The following BBS5 variants were observed in gnomAD, a reference collection of about 807,000 sequenced individuals.
BBS5 encodes BBSome complex member BBS5.
BBS5 carries 39 observed loss-of-function variants against 50.2 expected under a neutral mutation model. The ratio of observed to expected loss-of-function variants is 0.78; its 90% confidence interval spans 0.60 to 1.01. The LOEUF (loss-of-function observed/expected upper bound fraction) is 1.01. Ranked by LOEUF, BBS5 falls within the 50% of genes least tolerant of loss-of-function variation. The pLI is 0.00. For synonymous variants in BBS5, 134 were observed against 133.1 expected (o/e 1.01, Z -0.05); for missense variants, 356 against 401.5 (o/e 0.89, Z 0.97).
At chr2:169,488,228 T>G in intron 5 of BBS5, 114 bp downstream of exon 5, 1 of 1,011,886 alleles carries the variant, frequency 9.9e-7, no homozygotes, top group Non-Finnish European at 1.5e-6. Context: ...AGACAGTTTT[T>G]CCACGAATTG....
chr2:169,491,020 A>G (rs1683587193), intron 5 of BBS5, among the ~76,000 whole-genome samples: 1 of 152,210 alleles, frequency 6.6e-6, no homozygotes, highest in Admixed American at 6.5e-5. Flanking sequence ...GTAGCTAAAG[A>G]ATATTCCATT....
intron 7 of BBS5, among the ~76,000 whole-genome samples, chr2:169,496,041 C>G (rs958869923): frequency 6.6e-6 from 1 of 152,186 alleles, no homozygotes; most frequent in Non-Finnish European, 1.5e-5. Context: ...ATCATCAAAG[C>G]CTTTCTTCTT....
At chr2:169,493,190 G>T in intron 6 of BBS5, 181 bp downstream of exon 6, 2 of 690,740 alleles carry the variant, frequency 2.9e-6, no homozygotes, top group Admixed American at 2.5e-5. Flanking sequence ...TCAATACAAT[G>T]AAATATCTGA....
chr2:169,505,599 G>A lies in BBS5; in HGVS notation c.*1017G>A, dbSNP rs950458743. 5 of 260,278 alleles carry A rather than the reference G, an allele frequency of 1.9e-5. No individual in the cohort carries two copies. The highest frequency in any genetic ancestry group is 4.9e-5 in the Admixed American group (1 of 20,276). The allele number at this position is 260,278 out of a possible 1,614,324, so 16.1% of individuals were successfully genotyped here. On this transcript the variant is annotated 3_prime_UTR_variant, in exon 12 of 12. Transcript: ENST00000295240. ...CGTCTGAGATGTGGGGAGCACCTCT[G>A]CCCGGCCGCGACCCCATTTGGGAGG...
chr2:169,482,463 A>T, intron 2 of BBS5, 130 bp downstream of exon 2: 1 of 746,192 alleles, frequency 1.3e-6, no homozygotes, highest in Non-Finnish European at 2.4e-6. Context: ...TTAAATTCAC[A>T]TAAGACTTTT....
In BBS5 at chr2:169,506,490, T is replaced by TA. The variant is rs77146558; in HGVS notation, c.*1921dup. 6.0e-3 allele frequency: 852 copies of TA among 142,752 alleles called. No individual in the cohort carries two copies. The highest frequency in any genetic ancestry group is 9.6e-3 in the African/African-American group (374 of 38,786). The allele number at this position is 142,752 out of a possible 1,614,324, so 8.8% of individuals were successfully genotyped here. ...TCTTACCCTAAAACTTAAAGTATAA[T>TA]AAAAAAAAAAAAACTTCAGTTTTCT... On this transcript the variant is annotated 3_prime_UTR_variant, in exon 12 of 12. Coordinates refer to ENST00000295240, the MANE Select transcript of BBS5 (RefSeq NM_152384.3).
At position 169,505,131 on chromosome 2, in the gene BBS5, T is replaced by A. The variant is rs1683883564; in HGVS notation, c.*549T>A. On this transcript the variant is annotated 3_prime_UTR_variant, in exon 12 of 12. Transcript: ENST00000295240. ...CGCCACACCTGACTGGTTTTCGTAT[T>A]TTTTTGGTGGAGACGGGGTTTCGCT... 2.6e-6 allele frequency: 2 copies of A among 783,416 alleles called. No homozygotes were observed. The highest frequency in any genetic ancestry group is 4.2e-6 in the Non-Finnish European group (2 of 474,298). 48.5% of individuals were successfully genotyped at this position (783,416 alleles called of 1,614,324 possible).
Position 169,503,167 on chromosome 2 carries a change from G to A in BBS5, c.889G>A (p.Asp297Asn), listed in dbSNP as rs1247237652. ...AGAAATAGACTCTGATGGTCACACG[G>A]ATGCTTTTGTGGTGAGCATCACAAA... ...DVEIDSDGHT[D>N]AFVAYFADGN... Residue 297 changes from aspartate (D) to asparagine (N), a missense_variant, in exon 10 of 12, where the codon GAT becomes AAT. By Grantham distance (23) the Asp-to-Asn change is conservative (BLOSUM62 1). Transcript: ENST00000295240. 8 of 1,612,648 alleles carry A rather than the reference G, an allele frequency of 5.0e-6. No individual in the cohort carries two copies. Among genetic ancestry groups the A allele is most frequent in the Non-Finnish European group, 6.8e-6 (8 of 1,178,784 alleles).
chr2:169,498,677 C>T (rs1044041386), intron 8 of BBS5, among the ~76,000 whole-genome samples: 1 of 151,904 alleles, frequency 6.6e-6, no homozygotes, highest in Non-Finnish European at 1.5e-5. Flanking sequence ...TGGTGGCGGG[C>T]ACCTGTAGTC....
chr2:169,499,399 G>A (rs1412198821), intron 8 of BBS5, 87 bp from the exon 9 acceptor site: 1 of 1,359,872 alleles, frequency 7.4e-7, no homozygotes, highest in African/African-American at 1.5e-5. Context: ...TCTAAAATAA[G>A]GACAAATTGA....
intron 8 of BBS5, chr2:169,499,096 C>T (rs1266983397): frequency 5.4e-6 from 1 of 184,528 alleles, no homozygotes; most frequent in Non-Finnish European, 1.1e-5. Context: ...TCAAGAAAAA[C>T]TTAGTTCCCT....
chr2:169,492,995 T>C lies in BBS5; in HGVS notation c.508T>C (p.Leu170=). The C allele has an allele frequency of 6.2e-7, 1 of 1,613,692 alleles. No homozygotes were observed. The highest frequency in any genetic ancestry group is 1.3e-5 in the African/African-American group (1 of 75,052). Residue 170 remains leucine, a synonymous_variant, in exon 6 of 12, where the codon TTA becomes CTA. Coordinates refer to ENST00000295240, the MANE Select transcript of BBS5 (RefSeq NM_152384.3). Reference sequence around the variant, plus strand: ...TGATAAAATAAATGGAGTTTGGAATTTATCCAGTGATCAGGTATTGTGCAA... The same window carrying C: ...TGATAAAATAAATGGAGTTTGGAATCTATCCAGTGATCAGGTATTGTGCAA... The part of the protein sequence containing the change: ...VYDKINGVWN[L]SSDQGNLGTF...
chr2:169,489,381 T>G (rs113194778), intron 5 of BBS5, among the ~76,000 whole-genome samples: 10,722 of 151,638 alleles, frequency 0.071, 520 homozygotes, highest in African/African-American at 0.13. Context: ...GAAAATTACT[T>G]GAACCAGGGA....
At chr2:169,482,370 T>C in intron 2 of BBS5, 37 bp downstream of exon 2, 1 of 1,292,126 alleles carries the variant, frequency 7.7e-7, no homozygotes. Flanking sequence ...TATTCCTGGT[T>C]TAATTTACAA....
intron 7 of BBS5, among the ~76,000 whole-genome samples, chr2:169,497,225 C>T (rs1292657323): frequency 5.9e-5 from 9 of 152,118 alleles, no homozygotes; most frequent in Admixed American, 4.6e-4. Flanking sequence ...GAGGCTGAGG[C>T]AGGAGGAGGA....
chr2:169,493,717 G>C, intron 6 of BBS5, 24 bp from the exon 7 acceptor site: 1 of 1,467,030 alleles, frequency 6.8e-7, no homozygotes, highest in Non-Finnish European at 9.6e-7. Flanking sequence ...GATCATTTCG[G>C]TATCTCATTA....
At chr2:169,496,021 CG>C (rs2105299377) in intron 7 of BBS5, among the ~76,000 whole-genome samples, 1 of 152,298 alleles carries the variant, frequency 6.6e-6, no homozygotes, top group African/African-American at 2.4e-5. Flanking sequence ...GCCAGGTTTT[CG>C]TAACAATTAT....
chr2:169,499,380 G>C, intron 8 of BBS5, 106 bp from the exon 9 acceptor site: 1 of 1,186,970 alleles, frequency 8.4e-7, no homozygotes, highest in Non-Finnish European at 1.2e-6. Flanking sequence ...ATGAACTTAC[G>C]TATTATGCTC....
intron 5 of BBS5, among the ~76,000 whole-genome samples, chr2:169,488,359 C>T (rs1297136571): frequency 1.3e-5 from 2 of 152,216 alleles, no homozygotes; most frequent in East Asian, 3.8e-4. Flanking sequence ...TGTTTTCCTG[C>T]AACTATATGG....
Sources: gnomAD v4.1 joint callset for allele counts (sites outside exome capture counted in the v4.1 genomes callset) on GRCh38, gnomAD v4.1.1 for gene constraint, MANE v1.5 for transcripts, NCBI Gene and HGNC (gene_info 2026-07-23, HGNC 2026-07-21) for gene names.